COG6: variants seen among roughly 807,000 people sequenced by gnomAD.
COG6 encodes the protein component of oligomeric golgi complex 6.
In COG6, 74 loss-of-function variants were observed where a neutral mutation model predicts 88.8. The ratio of observed to expected loss-of-function variants is 0.83; its 90% CI spans 0.69 to 1.01. The LOEUF is 1.01. Among genes scored for constraint, COG6 ranks in the 50% least tolerant of loss-of-function variants. The pLI, the probability that COG6 is intolerant of heterozygous loss-of-function variation, is 0.00. For missense variants in COG6, 800 were observed against 797.9 expected, an observed-to-expected ratio of 1.00 and a Z score of -0.03; for synonymous variants, 286 against 278.7, an observed-to-expected ratio of 1.03 and a Z score of -0.26.
chr13:39,681,735 T>A (rs1237442460), intron 7 of COG6, among the ~76,000 whole-genome samples: 2 of 152,190 alleles, frequency 1.3e-5, no homozygotes, highest in East Asian at 3.9e-4. Flanking sequence ...TGAAATTATA[T>A]CACTATATAT....
chr13:39,768,609 G>A (rs1881233385), intron 18 of COG6, among the ~76,000 whole-genome samples: 1 of 152,118 alleles, frequency 6.6e-6, no homozygotes, highest in Non-Finnish European at 1.5e-5. Context: ...CCTGGGGGTG[G>A]GAGTCAGAAG....
chr13:39,687,601 C>T lies in COG6; in HGVS notation c.887C>T (p.Pro296Leu). 1 of 1,613,818 alleles carries T rather than the reference C, an allele frequency of 6.2e-7. No homozygotes were observed. Among genetic ancestry groups the T allele is most frequent in the Non-Finnish European group, 8.5e-7 (1 of 1,179,998 alleles). Residue 296 changes from proline (P) to leucine (L), a missense_variant, in exon 9 of 19, where the codon CCA becomes CTA. Pro to Leu is a moderately conservative substitution (Grantham distance 98). Transcript: ENST00000455146. ...GGGGGCCCCGGAGGTACACCTAGAC[C>T]AATTGAAATGCATTCTCATGACCCT... The part of the protein sequence containing the change: ...TRGGPGGTPR[P>L]IEMHSHDPLR...
chr13:39,722,921 A>G (rs1377944858), intron 15 of COG6, among the ~76,000 whole-genome samples: 1 of 152,082 alleles, frequency 6.6e-6, no homozygotes, highest in Non-Finnish European at 1.5e-5. Flanking sequence ...AGGCTTCTCC[A>G]GATGGTATAT....
chr13:39,712,424 A>C (rs964895721), intron 13 of COG6, among the ~76,000 whole-genome samples: 1 of 151,120 alleles, frequency 6.6e-6, no homozygotes, highest in Non-Finnish European at 1.5e-5. Flanking sequence ...TGGTATTTCA[A>C]AACAATTGAT....
rs943688252 is a variant in COG6, at chr13:39,713,365, A to G, written c.1285-5871A>G. ...TATATGGAGATATGAAAGACATAGTAAAGAGGGTCTCTTCCCTAAGGGAGA... is the reference window on the plus strand; with the variant it reads ...TATATGGAGATATGAAAGACATAGTGAAGAGGGTCTCTTCCCTAAGGGAGA... On this transcript the variant is annotated intron_variant, in intron 13 of 18. Coordinates refer to ENST00000455146, the MANE Select transcript of COG6 (RefSeq NM_020751.3). Among the ~76,000 whole-genome samples, 6 of 152,240 alleles carry G rather than the reference A, an allele frequency of 3.9e-5. No individual in the cohort carries two copies. The East Asian group carries it at 5.8e-4, about 15-fold the overall frequency.
intron 18 of COG6, among the ~76,000 whole-genome samples, chr13:39,777,273 G>A (rs1266724050): frequency 6.6e-6 from 1 of 152,128 alleles, no homozygotes; most frequent in African/African-American, 2.4e-5. Context: ...AGCACAGAGG[G>A]GGGTGTCCAC....
Position 39,751,666 on chromosome 13 carries a change from G to T in COG6, c.*573G>T, listed in dbSNP as rs564413270. 3 of 1,286,814 alleles carry T rather than the reference G, an allele frequency of 2.3e-6. No homozygotes were observed. The highest frequency in any genetic ancestry group is 5.6e-5 in the East Asian group (1 of 18,012). 79.7% of individuals were successfully genotyped at this position (1,286,814 alleles called of 1,614,324 possible). Reference sequence around the variant, plus strand: ...GTATATGGCAGTGAATCTCCTTTCTGTTCTACTTTAGCATACTATATATAT... The same window carrying T: ...GTATATGGCAGTGAATCTCCTTTCTTTTCTACTTTAGCATACTATATATAT... On this transcript the variant is annotated 3_prime_UTR_variant, in exon 19 of 19. Transcript: ENST00000455146.
chr13:39,696,213 A>G (rs1877266752), intron 12 of COG6, among the ~76,000 whole-genome samples: 1 of 151,880 alleles, frequency 6.6e-6, no homozygotes, highest in Admixed American at 6.6e-5. Flanking sequence ...TTCCTCATTT[A>G]GTCAATTAAA....
chr13:39,733,972 TC>T (rs1879598106), intron 18 of COG6, among the ~76,000 whole-genome samples: 1 of 152,194 alleles, frequency 6.6e-6, no homozygotes, highest in African/African-American at 2.4e-5. Context: ...CTGTGATGTC[TC>T]CTTTTTCATC....
In COG6 at chr13:39,726,430, A is replaced by G. The variant is rs181417075; in HGVS notation, c.1747-1039A>G. 1.1e-4 allele frequency among the ~76,000 whole-genome samples: 16 copies of G among 152,104 alleles called. No homozygotes were observed. The East Asian group carries it at 2.7e-3, about 26-fold the overall frequency. ...GATAATATGGTGAATTAATTCATAC[A>G]TATCCAAAATCTGGGAGTCCATCCC... On this transcript the variant is annotated intron_variant, in intron 17 of 18. Transcript: ENST00000455146.
At chr13:39,666,508 G>A (rs1875277982) in intron 4 of COG6, among the ~76,000 whole-genome samples, 1 of 152,194 alleles carries the variant, frequency 6.6e-6, no homozygotes, top group African/African-American at 2.4e-5. Context: ...TCATAATCAA[G>A]AGTTTGAAAA....
intron 18 of COG6, among the ~76,000 whole-genome samples, chr13:39,744,475 G>A (rs1021421567): frequency 1.3e-5 from 2 of 152,112 alleles, no homozygotes; most frequent in African/African-American, 2.4e-5. Flanking sequence ...CAAACAGAGA[G>A]CCAAATCATG....
intron 2 of COG6, 79 bp downstream of exon 2, chr13:39,659,586 T>A: frequency 1.6e-6 from 2 of 1,254,566 alleles, no homozygotes; most frequent in Non-Finnish European, 2.3e-6. Context: ...TTTTTTGAAT[T>A]AGGTTGATAT....
chr13:39,689,364 T>C (rs1358908942), intron 10 of COG6, among the ~76,000 whole-genome samples: 1 of 152,168 alleles, frequency 6.6e-6, no homozygotes, highest in Non-Finnish European at 1.5e-5. Flanking sequence ...ACCCTCAGTG[T>C]ATGTGCTAAG....
chr13:39,671,242 A>C (rs557030000), intron 4 of COG6, among the ~76,000 whole-genome samples: 1 of 152,088 alleles, frequency 6.6e-6, no homozygotes, highest in Admixed American at 6.5e-5. Context: ...ATGAGGAAAA[A>C]TTTAGAAATA....
At chr13:39,686,772 C>T (rs1203897876) in intron 8 of COG6, among the ~76,000 whole-genome samples, 1 of 152,108 alleles carries the variant, frequency 6.6e-6, no homozygotes, top group African/African-American at 2.4e-5. Context: ...CTCTGTGGCT[C>T]AGGCTGGAGT....
intron 7 of COG6, among the ~76,000 whole-genome samples, chr13:39,681,062 G>A (rs1876285985): frequency 6.6e-6 from 1 of 152,158 alleles, no homozygotes; most frequent in Non-Finnish European, 1.5e-5. Flanking sequence ...GTTTGAAAAT[G>A]TTTCAATAGA....
Position 39,750,911 on chromosome 13 carries a change from AATG to A in COG6, c.1827-31_1827-29del, listed in dbSNP as rs781503217. 5.2e-6 allele frequency: 8 copies of A among 1,552,132 alleles called. No individual in the cohort carries two copies. In the East Asian group the frequency reaches 1.8e-4, roughly 35 times the overall value. On this transcript the variant is annotated intron_variant, in intron 18 of 18. Transcript: ENST00000455146. ...ATTCTTAGTAAATATATTTTTTTCA[AATG>A]ATGTGTTTACATTTTGTTTGCTTAT...
chr13:39,678,875 G>GT (rs1876132568), intron 5 of COG6, among the ~76,000 whole-genome samples: 1 of 151,982 alleles, frequency 6.6e-6, no homozygotes, highest in African/African-American at 2.4e-5. Context: ...TGAAATATTT[G>GT]ACATATCATT....
Sources: gnomAD v4.1 joint callset for allele counts (sites outside exome capture counted in the v4.1 genomes callset) on GRCh38, gnomAD v4.1.1 for gene constraint, MANE v1.5 for transcripts, NCBI Gene and HGNC (gene_info 2026-07-23, HGNC 2026-07-21) for gene names.